The following ZNF385D variants were observed in gnomAD, a reference collection of about 807,000 sequenced individuals.
ZNF385D encodes zinc finger protein 659.
ZNF385D carries 15 observed loss-of-function variants against 35.8 expected under a neutral mutation model. The ratio of observed to expected loss-of-function variants is 0.42; its 90% CI spans 0.28 to 0.64. The LOEUF (loss-of-function observed/expected upper bound fraction) is 0.64, where lower values mean the gene tolerates loss of function less well. Among genes scored for constraint, ZNF385D ranks in the 30% least tolerant of loss-of-function variants. The pLI is 0.23. For missense variants in ZNF385D, 474 were observed against 494.6 expected (o/e 0.96, Z 0.39); for synonymous variants, 212 against 186.8 (o/e 1.13, Z -1.10).
intron 1 of ZNF385D, among the ~76,000 whole-genome samples, chr3:21,665,248 G>A (rs2066369954): frequency 6.6e-6 from 1 of 152,128 alleles, no homozygotes; most frequent in Non-Finnish European, 1.5e-5. Context: ...TAACTATCTG[G>A]TTATGTAAGT....
chr3:21,446,596 TGATTCTTCTGCC>T (rs1702167884), intron 4 of ZNF385D, among the ~76,000 whole-genome samples: 1 of 144,082 alleles, frequency 6.9e-6, no homozygotes, highest in Admixed American at 7.4e-5. Flanking sequence ...TGGATTCAAG[TGATTCTTCTGCC>T]TCAGCCTCCT....
At chr3:22,174,392 G>C (rs564562635) in intron 2 of ZNF385D, among the ~76,000 whole-genome samples, 1 of 152,266 alleles carries the variant, frequency 6.6e-6, no homozygotes, top group East Asian at 1.9e-4. Flanking sequence ...TGAAACGTCT[G>C]TAGATGACAG....
chr3:22,174,547 T>C lies in ZNF385D; in HGVS notation c.107-5512A>G, dbSNP rs141049932. Among the ~76,000 whole-genome samples the C allele has an allele frequency of 5.0e-3, 757 of 152,236 alleles. 4 individuals are homozygous for C. Among genetic ancestry groups the C allele is most frequent in the African/African-American group, 0.017 (721 of 41,540 alleles). The stretch of plus-strand genomic sequence containing the variant: ...TCCCACTGTGTAATTTTTTTAAAAG[T>C]TGGCAGATAGGAATTTACATATCTA... On this transcript the variant is annotated intron_variant, in intron 2 of 5. Coordinates refer to the ZNF385D transcript ENST00000494108.
intron 3 of ZNF385D, among the ~76,000 whole-genome samples, chr3:21,932,765 T>C (rs931639286): frequency 3.9e-5 from 6 of 152,088 alleles, no homozygotes; most frequent in African/African-American, 1.4e-4. Context: ...CTTCTGATCA[T>C]ATTTGTCCCA....
chr3:21,489,945 C>A (rs986924948), intron 4 of ZNF385D, among the ~76,000 whole-genome samples: 5 of 152,150 alleles, frequency 3.3e-5, no homozygotes, highest in African/African-American at 9.6e-5. Context: ...ACTTGAGAGG[C>A]TACCATTCAT....
intron 3 of ZNF385D, among the ~76,000 whole-genome samples, chr3:21,964,429 A>AG (rs1438237220): frequency 9.7e-5 from 8 of 82,314 alleles, no homozygotes; most frequent in African/African-American, 9.2e-4. Context: ...AAAAAAAAAA[A>AG]AAAGAAAAAA....
rs531841883 is a variant in ZNF385D at position 21,527,186 on chromosome 3, T to C, written c.277-16163A>G. On this transcript the variant is annotated intron_variant, in intron 3 of 7. Transcript: ENST00000281523. ...GTAGGTACATAGTAGGTGCTCAGTA[T>C]CTATTTGTTGAATGATAATTACATA... 4.6e-5 allele frequency among the ~76,000 whole-genome samples: 7 copies of C among 152,314 alleles called. No individual in the cohort carries two copies. In the South Asian group the frequency reaches 1.2e-3, roughly 27 times the overall value.
At chr3:21,727,987 G>C (rs1377816219) in intron 1 of ZNF385D, among the ~76,000 whole-genome samples, 2 of 152,000 alleles carry the variant, frequency 1.3e-5, no homozygotes, top group Non-Finnish European at 2.9e-5. Context: ...TCCTTTGCAG[G>C]GACATGGATG....
At chr3:21,436,704 T>G (rs1701568984) in intron 5 of ZNF385D, 1 of 387,178 alleles carries the variant, frequency 2.6e-6, no homozygotes, top group Admixed American at 4.1e-5. Flanking sequence ...CAAAACACAT[T>G]TTAGGATTGT....
chr3:21,964,497 T>C (rs1263258543), intron 3 of ZNF385D, among the ~76,000 whole-genome samples: 2 of 82,732 alleles, frequency 2.4e-5, no homozygotes, highest in African/African-American at 6.9e-5. Flanking sequence ...TTTTTTTTTT[T>C]TTTTTTTTCT....
In ZNF385D at chr3:21,545,115, G is replaced by A. The variant is rs1260644264; in HGVS notation, c.276+19459C>T. ...TTGTTAAGTTATTGTAAACCATAGA[G>A]ATAACTAAACTTCTTTCCCTGTTGT... On this transcript the variant is annotated intron_variant, in intron 3 of 7. Coordinates refer to ENST00000281523, the MANE Select transcript of ZNF385D (RefSeq NM_024697.3). Among the ~76,000 whole-genome samples the A allele has an allele frequency of 2.0e-5, 3 of 152,218 alleles. No individual in the cohort carries two copies. In the East Asian group the frequency reaches 5.8e-4, roughly 29 times the overall value.
At chr3:21,599,130 T>C (rs1471243881) in intron 2 of ZNF385D, among the ~76,000 whole-genome samples, 2 of 152,224 alleles carry the variant, frequency 1.3e-5, no homozygotes, top group African/African-American at 4.8e-5. Context: ...ATGCCGTTTC[T>C]CATTGCAGAC....
chr3:22,349,747 A>G (rs1695830813), intron 2 of ZNF385D, among the ~76,000 whole-genome samples: 1 of 147,324 alleles, frequency 6.8e-6, no homozygotes, highest in Admixed American at 6.9e-5. Context: ...CCAGTGCAAT[A>G]TTTATGGTCT....
intron 2 of ZNF385D, among the ~76,000 whole-genome samples, chr3:22,279,314 C>T (rs964915049): frequency 1.1e-4 from 17 of 151,810 alleles, no homozygotes; most frequent in Non-Finnish European, 1.3e-4. Context: ...TATGCCTTTC[C>T]GTCTTCATAG....
intron 3 of ZNF385D, among the ~76,000 whole-genome samples, chr3:21,960,028 A>G (rs1702498304): frequency 6.6e-6 from 1 of 151,772 alleles, no homozygotes; most frequent in Admixed American, 6.6e-5. Flanking sequence ...CCTCCAAAAA[A>G]AAAAAAAAAA....
intron 3 of ZNF385D, among the ~76,000 whole-genome samples, chr3:22,059,160 T>C (rs1699565451): frequency 6.6e-6 from 1 of 152,158 alleles, no homozygotes; most frequent in African/African-American, 2.4e-5. Flanking sequence ...AAAAGGACCC[T>C]GTGTAATCAT....
intron 2 of ZNF385D, among the ~76,000 whole-genome samples, chr3:22,204,587 G>T (rs1285848192): frequency 2.0e-5 from 3 of 151,956 alleles, no homozygotes; most frequent in Non-Finnish European, 2.9e-5. Flanking sequence ...AAACAGCTGT[G>T]TTAAGGAAAC....
intron 3 of ZNF385D, among the ~76,000 whole-genome samples, chr3:22,107,484 A>G (rs1005996533): frequency 1.3e-5 from 2 of 152,076 alleles, no homozygotes; most frequent in African/African-American, 4.8e-5. Flanking sequence ...AATCTTAAAA[A>G]ACTCTAGATT....
At position 21,914,803 on chromosome 3, in the gene ZNF385D, T is replaced by A. The variant is rs75871008; in HGVS notation, c.326-249775A>T. Among the ~76,000 whole-genome samples the A allele has an allele frequency of 6.0e-3, 918 of 152,118 alleles. 10 individuals carry two copies. The highest frequency in any genetic ancestry group is 0.021 in the African/African-American group (877 of 41,506). On this transcript the variant is annotated intron_variant, in intron 3 of 5. Transcript: ENST00000494108. ...TTTTTATTAAAAAGCCACTTCATTA[T>A]CTGAAAGATAAAGTCTTTATTTTAC...
Sources: gnomAD v4.1 joint callset for allele counts (sites outside exome capture counted in the v4.1 genomes callset) on GRCh38, gnomAD v4.1.1 for gene constraint, MANE v1.5 for transcripts, NCBI Gene and HGNC (gene_info 2026-07-23, HGNC 2026-07-21) for gene names.